SKI: variants seen among roughly 807,000 people sequenced by gnomAD.
SKI encodes the protein ski oncogene.
SKI carries 23 observed loss-of-function variants against 59.3 expected under a neutral mutation model. That is an observed-to-expected ratio of 0.39 (90% CI 0.28 to 0.55). The LOEUF (loss-of-function observed/expected upper bound fraction) is 0.55. Among genes scored for constraint, SKI ranks in the 20% least tolerant of loss-of-function variants. SKI has a pLI of 0.67. For missense variants in SKI, 1,017 were observed against 1,038.9 expected (o/e 0.98, Z 0.29); for synonymous variants, 673 against 488.6 (o/e 1.38, Z -4.98).
chr1:2,271,717 CT>C (rs1445069097), intron 1 of SKI, among the ~76,000 whole-genome samples: 2 of 128,758 alleles, frequency 1.6e-5, no homozygotes, highest in Non-Finnish European at 3.5e-5. Flanking sequence ...CCCTGGTCCC[CT>C]GGGGGGGGGT....
chr1:2,238,658 C>T (rs1029378404), intron 1 of SKI, among the ~76,000 whole-genome samples: 5 of 152,186 alleles, frequency 3.3e-5, no homozygotes, highest in Admixed American at 6.5e-5. Flanking sequence ...ACAGGGCAGC[C>T]GAGCCACCCT....
intron 1 of SKI, among the ~76,000 whole-genome samples, chr1:2,298,139 G>A (rs908466610): frequency 3.9e-5 from 6 of 152,322 alleles, no homozygotes; most frequent in African/African-American, 1.2e-4. Flanking sequence ...GCCACTGTGC[G>A]TTGTTCACAT....
At chr1:2,277,672 TCA>T (rs1337727472) in intron 1 of SKI, among the ~76,000 whole-genome samples, 2 of 151,526 alleles carry the variant, frequency 1.3e-5, no homozygotes, top group South Asian at 2.1e-4. Context: ...ACACCTGCAC[TCA>T]CACATTCATC....
At chr1:2,283,009 C>T (rs996102822) in intron 1 of SKI, among the ~76,000 whole-genome samples, 43 of 152,298 alleles carry the variant, frequency 2.8e-4, no homozygotes, top group African/African-American at 1.0e-3. Context: ...CAGTCTCGGA[C>T]CCTCATCTGC....
rs572237158 is a variant in SKI at position 2,263,538 on chromosome 1, G to T, written c.969+33803G>T. 2.6e-5 allele frequency among the ~76,000 whole-genome samples: 4 copies of T among 151,588 alleles called. No homozygotes were observed. The South Asian group carries it at 8.3e-4, about 32-fold the overall frequency. ...AGGCGTGAGCCACTGCGCCTGCCAA[G>T]AATTTTTGCATTTATATTCATGAGG... On this transcript the variant is annotated intron_variant, in intron 1 of 6. Transcript: ENST00000378536.
In SKI at chr1:2,267,098, T is replaced by C. The variant is rs1223538710; in HGVS notation, c.970-35880T>C. 6.6e-6 allele frequency among the ~76,000 whole-genome samples: 1 copy of C among 152,204 alleles called. No individual in the cohort carries two copies. Among genetic ancestry groups the C allele is most frequent in the Non-Finnish European group, 1.5e-5 (1 of 68,042 alleles). On this transcript the variant is annotated intron_variant, in intron 1 of 6. Coordinates refer to ENST00000378536, the MANE Select transcript of SKI (RefSeq NM_003036.4). The surrounding 1 kb of genome is among the most constrained non-coding windows in gnomAD (Gnocchi z 4.1). ...TTTTGTTAACATCTTCATCACCGCC[T>C]TTTCAGTTTCAGCGGGAATTGATTA...
chr1:2,264,795 C>T (rs573524555), intron 1 of SKI, among the ~76,000 whole-genome samples: 1 of 151,806 alleles, frequency 6.6e-6, no homozygotes, highest in Non-Finnish European at 1.5e-5. Context: ...GACGGACATG[C>T]CTCTTCTTTT....
chr1:2,306,347 C>G (rs1640577614), intron 6 of SKI, 97 bp downstream of exon 6: 1 of 1,226,346 alleles, frequency 8.2e-7, no homozygotes, highest in Admixed American at 2.6e-5. Flanking sequence ...GGCCTTGGAG[C>G]AGAAGCCAGG....
intron 5 of SKI, 94 bp from the exon 6 acceptor site, chr1:2,305,926 A>G (rs564150287): frequency 3.1e-6 from 3 of 978,474 alleles, no homozygotes; most frequent in South Asian, 1.4e-5. Context: ...TGTCAGATAG[A>G]TGACCCCACG....
chr1:2,265,012 G>A (rs1225959064), intron 1 of SKI, among the ~76,000 whole-genome samples: 4 of 151,872 alleles, frequency 2.6e-5, no homozygotes, highest in Admixed American at 6.6e-5. Flanking sequence ...GGGTTTCTCC[G>A]TGTTGGCCAG....
At chr1:2,306,528 C>CG in intron 6 of SKI, 49 bp from the exon 7 acceptor site, 2 of 1,517,476 alleles carry the variant, frequency 1.3e-6, no homozygotes, top group Non-Finnish European at 1.8e-6. Context: ...AGCGTCGGGC[C>CG]GGGGCAGGGC....
In SKI at chr1:2,277,450, T is replaced by C. The variant is rs1472331413; in HGVS notation, c.970-25528T>C. Reference sequence around the variant, plus strand: ...TAAGTCTCATGCGATCTGATAGGTTTATTAGGGGTTTCTGCTTTTGCTTCC... The same window carrying C: ...TAAGTCTCATGCGATCTGATAGGTTCATTAGGGGTTTCTGCTTTTGCTTCC... On this transcript the variant is annotated intron_variant, in intron 1 of 6. Transcript: ENST00000378536. Among the ~76,000 whole-genome samples, 5 of 152,296 alleles carry C rather than the reference T, an allele frequency of 3.3e-5. No homozygotes were observed. The East Asian group carries it at 9.6e-4, about 29-fold the overall frequency.
chr1:2,258,186 GA>G, intron 1 of SKI, among the ~76,000 whole-genome samples: 1 of 152,350 alleles, frequency 6.6e-6, no homozygotes, highest in Middle Eastern at 3.4e-3. Context: ...TATTGTCTTG[GA>G]ATGTGGTGTT....
At chr1:2,239,444 TG>T (rs1638817787) in intron 1 of SKI, among the ~76,000 whole-genome samples, 1 of 152,236 alleles carries the variant, frequency 6.6e-6, no homozygotes, top group South Asian at 2.1e-4. Context: ...GGTGGGGACC[TG>T]CCTCGTGCGT....
At position 2,238,887 on chromosome 1, in the gene SKI, G is replaced by A. The variant is rs148566858; in HGVS notation, c.969+9152G>A. Among the ~76,000 whole-genome samples, 15 of 152,330 alleles carry A rather than the reference G, an allele frequency of 9.8e-5. 1 individual carries two copies. The East Asian group carries it at 2.9e-3, about 29-fold the overall frequency. On this transcript the variant is annotated intron_variant, in intron 1 of 6. Coordinates refer to ENST00000378536, the MANE Select transcript of SKI (RefSeq NM_003036.4). Reference sequence around the variant, plus strand: ...CTGCCTTCTGGGTTAGGGATACCCAGGACCTCCATAGCTGGTGTGGCGTCT... The same window carrying A: ...CTGCCTTCTGGGTTAGGGATACCCAAGACCTCCATAGCTGGTGTGGCGTCT...
At position 2,306,723 on chromosome 1, in the gene SKI, C is replaced by T. The variant is rs1332907901; in HGVS notation, c.2145C>T (p.Pro715=). 2.0e-6 allele frequency: 3 copies of T among 1,533,690 alleles called. No homozygotes were observed. Among genetic ancestry groups the T allele is most frequent in the Non-Finnish European group, 8.8e-7 (1 of 1,141,694 alleles). The change falls in exon 7 of 7, where the codon CCC becomes CCT. Residue 715 remains proline, a synonymous_variant. Transcript: ENST00000378536. ...LQEQLWPRAR[P]EAAGSEGAAE... The stretch of plus-strand genomic sequence containing the variant: ...AACAGCTGTGGCCGCGGGCCCGCCC[C>T]GAGGCTGCGGGCAGCGAGGGCGCTG...
intron 1 of SKI, among the ~76,000 whole-genome samples, chr1:2,283,527 G>A (rs1043957553): frequency 4.6e-5 from 7 of 152,230 alleles, no homozygotes; most frequent in Non-Finnish European, 7.3e-5. Context: ...TCGTGCTGTC[G>A]CTGTGGATTT....
At position 2,249,987 on chromosome 1, in the gene SKI, C is replaced by T. The variant is rs367754599; in HGVS notation, c.969+20252C>T. Among the ~76,000 whole-genome samples, 227 of 152,244 alleles carry T rather than the reference C, an allele frequency of 1.5e-3. 1 individual carries two copies. The highest frequency in any genetic ancestry group is 5.2e-3 in the African/African-American group (217 of 41,546). On this transcript the variant is annotated intron_variant, in intron 1 of 6. Transcript: ENST00000378536. ...TGGTGTGATCTTGGCTCACAGCAAC[C>T]TCCGCCTCCTGGATTCAAGTGATTC...
intron 1 of SKI, among the ~76,000 whole-genome samples, chr1:2,279,335 C>T (rs1336206128): frequency 1.3e-5 from 2 of 152,146 alleles, no homozygotes; most frequent in Non-Finnish European, 2.9e-5. Flanking sequence ...TGACGGTGGG[C>T]GTCCTTTCCA....
Sources: gnomAD v4.1 joint callset for allele counts (sites outside exome capture counted in the v4.1 genomes callset) on GRCh38, gnomAD v4.1.1 for gene constraint, Gnocchi (gnomAD v3.1) non-coding constraint, MANE v1.5 for transcripts, NCBI Gene and HGNC (gene_info 2026-07-23, HGNC 2026-07-21) for gene names.